LRP2: variants seen among roughly 807,000 people sequenced by gnomAD.
The protein encoded by LRP2 is low-density lipoprotein receptor-related protein 2.
A neutral mutation model predicts 531.0 loss-of-function variants in LRP2; 172 were observed. The observed-to-expected ratio is 0.32, with a 90% CI of 0.29 to 0.37. LRP2 has a LOEUF of 0.37. LRP2 is among the 10% of genes least tolerant of loss of function. LRP2 has a pLI of 1.00. For missense variants in LRP2, 5,167 were observed against 5,868.3 expected, an observed-to-expected ratio of 0.88 and a Z score of 3.90; for synonymous variants, 1,992 against 2,027.6, an observed-to-expected ratio of 0.98 and a Z score of 0.47.
At position 169,271,048 on chromosome 2, in the gene LRP2, A is replaced by G. The variant is rs758494998; in HGVS notation, c.2176T>C (p.Leu726=). 5.0e-6 allele frequency: 8 copies of G among 1,613,162 alleles called. No homozygotes were observed. In the East Asian group the frequency reaches 1.6e-4, roughly 31 times the overall value. Residue 726 remains leucine, a synonymous_variant, in exon 16 of 79, where the codon TTG becomes CTG. Coordinates refer to ENST00000649046, the MANE Select transcript of LRP2 (RefSeq NM_004525.3). The part of the protein sequence containing the change: ...QVAIRGIPFT[L]STQEDVMVPV... ...ACCATGACATCTTCCTGGGTAGACA[A>G]GGTGAACGGGATCCCACGAATAGCA...
intron 8 of LRP2, among the ~76,000 whole-genome samples, chr2:169,290,464 G>C (rs1413411282): frequency 6.6e-6 from 1 of 151,976 alleles, no homozygotes; most frequent in African/African-American, 2.4e-5. Flanking sequence ...TCAATAGATG[G>C]AGTCTATTTC....
intron 14 of LRP2, among the ~76,000 whole-genome samples, chr2:169,274,177 C>T (rs538783308): frequency 2.1e-4 from 32 of 152,206 alleles, no homozygotes; most frequent in Non-Finnish European, 4.1e-4. Flanking sequence ...TTTCTACCAA[C>T]GTAGTGTAGT....
chr2:169,213,828 C>T lies in LRP2; in HGVS notation c.5869G>A (p.Val1957Ile). ...CCCCAGGGGTGGGAAAGCTGGTGTA[C>T]CAGGATCATTCGATCTGTTCCATCC... ...NVDGTDRMIL[V>I]HQLSHPWGIA... Residue 1957 changes from valine to isoleucine, a missense_variant, in exon 36 of 79, where the codon GTA (valine) becomes ATA (isoleucine). Val to Ile is a conservative substitution (Grantham distance 29). Around this residue, in one of 6 missense-constraint regions of LRP2, gnomAD observed 2,811 missense variants for 3,058.0 expected, o/e 0.92. Transcript: ENST00000649046. The T allele has an allele frequency of 6.2e-7, 1 of 1,613,670 alleles. No individual in the cohort carries two copies. The highest frequency in any genetic ancestry group is 8.5e-7 in the Non-Finnish European group (1 of 1,179,738).
At chr2:169,131,112 T>G (rs563388099) in intron 77 of LRP2, among the ~76,000 whole-genome samples, 28 of 152,358 alleles carry the variant, frequency 1.8e-4, no homozygotes, top group African/African-American at 6.0e-4. Context: ...TATATGACAT[T>G]CAAGCATCCG....
chr2:169,259,737 A>G (rs1690466610), intron 16 of LRP2, among the ~76,000 whole-genome samples: 1 of 58,278 alleles, frequency 1.7e-5, no homozygotes, highest in Admixed American at 2.1e-4. Context: ...GATTAAAAAC[A>G]ACAACAACAA....
intron 4 of LRP2, among the ~76,000 whole-genome samples, chr2:169,300,435 T>TAA (rs59551931): frequency 2.4e-4 from 37 of 151,560 alleles, no homozygotes; most frequent in Non-Finnish European, 7.4e-5. Flanking sequence ...CAGTGGGTTC[T>TAA]AAAAAAAGGA....
rs773243790 is a variant in LRP2 at position 169,206,337 on chromosome 2, A to G, written c.7383T>C (p.Ile2461=). 1.1e-5 allele frequency: 17 copies of G among 1,613,540 alleles called. No individual in the cohort carries two copies. In the South Asian group the frequency reaches 1.6e-4, roughly 16 times the overall value. ...CACCTGGAGTGCACTTACCTGAAGCAATGACAGTTGGAGTATGGATCCCTG... is the reference window on the plus strand; with the variant it reads ...CACCTGGAGTGCACTTACCTGAAGCGATGACAGTTGGAGTATGGATCCCTG... ...LSSGIHTPTV[I]ASGIGTADGI... The change falls in exon 39 of 79, where the codon ATT becomes ATC. Residue 2461 remains isoleucine (I), a synonymous_variant. Coordinates refer to ENST00000649046, the MANE Select transcript of LRP2 (RefSeq NM_004525.3).
intron 3 of LRP2, among the ~76,000 whole-genome samples, chr2:169,308,237 A>T (rs927919472): frequency 9.9e-5 from 15 of 151,960 alleles, no homozygotes; most frequent in Non-Finnish European, 1.8e-4. Context: ...TATTATTATT[A>T]TTTTACTTTA....
At chr2:169,157,276 G>A in intron 64 of LRP2, 95 bp downstream of exon 64, 1 of 1,268,968 alleles carries the variant, frequency 7.9e-7, no homozygotes, top group Non-Finnish European at 1.1e-6. Context: ...TACCATTAAG[G>A]GAATTAAATA....
intron 4 of LRP2, among the ~76,000 whole-genome samples, 196 bp from the exon 5 acceptor site, chr2:169,294,906 GACAC>G (rs1684097591): frequency 6.6e-6 from 1 of 151,818 alleles, no homozygotes; most frequent in Non-Finnish European, 1.5e-5. Context: ...AATCAAATAA[GACAC>G]AAATGGTAAA....
At chr2:169,244,989 G>T in intron 21 of LRP2, 57 bp from the exon 22 acceptor site, 2 of 1,604,436 alleles carry the variant, frequency 1.2e-6, no homozygotes, top group Non-Finnish European at 1.7e-6. Flanking sequence ...TTTTAAATGA[G>T]TTCTTGCCTT....
At chr2:169,309,438 A>G (rs1208228047) in intron 3 of LRP2, among the ~76,000 whole-genome samples, 1 of 152,218 alleles carries the variant, frequency 6.6e-6, no homozygotes, top group African/African-American at 2.4e-5. Context: ...AGCTTTCTAC[A>G]TATGGCTAGC....
At position 169,207,077 on chromosome 2, in the gene LRP2, T is replaced by C. The variant is rs1378613764; in HGVS notation, c.6643A>G (p.Ile2215Val). The C allele has an allele frequency of 1.9e-6, 3 of 1,613,492 alleles. No homozygotes were observed. In the African/African-American group the frequency reaches 4.0e-5, roughly 22 times the overall value. ...FWADYGQRPK[I>V]ERSFLDCTNR... ...GTACAGTCAAGGAAAGAACGCTCAA[T>C]CTTTGGTCTCTGCCCATAGTCAGCC... Residue 2215 changes from isoleucine to valine, a missense_variant, in exon 39 of 79, where the codon ATT (isoleucine) becomes GTT (valine). This residue lies in a region of LRP2 where 2,811 missense variants were observed against 3,058.0 expected (regional missense o/e 0.92). Coordinates refer to ENST00000649046, the MANE Select transcript of LRP2 (RefSeq NM_004525.3).
At chr2:169,330,216 C>A (rs1272882585) in intron 1 of LRP2, among the ~76,000 whole-genome samples, 2 of 152,238 alleles carry the variant, frequency 1.3e-5, no homozygotes, top group East Asian at 3.9e-4. Flanking sequence ...CCACCATCCT[C>A]TCCAAGCTGG....
At position 169,225,421 on chromosome 2, in the gene LRP2, G is replaced by A. The variant is rs1317228110; in HGVS notation, c.5427C>T (p.Thr1809=). Residue 1809 remains threonine, a synonymous_variant, in exon 33 of 79, where the codon ACC becomes ACT. Coordinates refer to ENST00000649046, the MANE Select transcript of LRP2 (RefSeq NM_004525.3). ...GEIHRVKTDG[T]NRTVFASISM... Reference sequence around the variant, plus strand: ...ATATAGAAGCAAATACTGTCCTGTTGGTGCCATCTGTCTTCACTCTGTGAA... The same window carrying A: ...ATATAGAAGCAAATACTGTCCTGTTAGTGCCATCTGTCTTCACTCTGTGAA... 4 of 1,613,876 alleles carry A rather than the reference G, an allele frequency of 2.5e-6. No homozygotes were observed. Among genetic ancestry groups the A allele is most frequent in the Non-Finnish European group, 3.4e-6 (4 of 1,179,942 alleles).
chr2:169,344,120 T>C (rs565515962), intron 1 of LRP2, among the ~76,000 whole-genome samples: 16 of 152,260 alleles, frequency 1.1e-4, no homozygotes, highest in East Asian at 5.8e-4. Context: ...TATTTCTTTC[T>C]TTTTTTATTA....
At chr2:169,345,973 C>T (rs1381520404) in intron 1 of LRP2, among the ~76,000 whole-genome samples, 1 of 152,212 alleles carries the variant, frequency 6.6e-6, no homozygotes, top group East Asian at 1.9e-4. Flanking sequence ...TGACAAGTCA[C>T]ACTTAGACCT....
chr2:169,275,090 C>G lies in LRP2; in HGVS notation c.1921G>C (p.Ala641Pro), dbSNP rs766780748. ...TETNPQVYYQ[A>P]SLRPYGVTVY... ...GTCACTCCATAGGGCCTCAGGGAAG[C>G]CTGGTAGTACACTTGTGGGTTGGTC... The change falls in exon 14 of 79, where the codon GCT becomes CCT. Residue 641 changes from alanine (A) to proline (P), a missense_variant. Around this residue, in one of 6 missense-constraint regions of LRP2, gnomAD observed 2,811 missense variants for 3,058.0 expected, o/e 0.92. Coordinates refer to ENST00000649046, the MANE Select transcript of LRP2 (RefSeq NM_004525.3). 8.1e-6 allele frequency: 13 copies of G among 1,613,716 alleles called. No individual in the cohort carries two copies. In the South Asian group the frequency reaches 1.4e-4, roughly 18 times the overall value.
chr2:169,338,439 C>T (rs544007543), intron 1 of LRP2, among the ~76,000 whole-genome samples: 11 of 136,614 alleles, frequency 8.1e-5, no homozygotes, highest in South Asian at 2.5e-4. Flanking sequence ...AGGAGGAAGA[C>T]GGAGGGAGGA....
Sources: gnomAD v4.1 joint callset for allele counts (sites outside exome capture counted in the v4.1 genomes callset) on GRCh38, gnomAD v4.1.1 for gene constraint, gnomAD v4.1.1 regional missense constraint, MANE v1.5 for transcripts, NCBI Gene and HGNC (gene_info 2026-07-23, HGNC 2026-07-21) for gene names.